TPH2: variants seen among roughly 807,000 people sequenced by gnomAD.
TPH2 encodes tryptophan hydroxylase 2, also known as tryptophan 5-hydroxylase 2.
Under a neutral mutation model 59.1 loss-of-function variants are expected in TPH2, and 27 were observed. The observed-to-expected ratio is 0.46, with a 90% CI of 0.34 to 0.63. The LOEUF is 0.63. Ranked by LOEUF, TPH2 falls within the 30% of genes least tolerant of loss-of-function variation. The pLI, the probability that TPH2 is intolerant of heterozygous loss-of-function variation, is 0.01. For synonymous variants in TPH2, 220 were observed against 210.5 expected, an observed-to-expected ratio of 1.05 and a Z score of -0.39; for missense variants, 523 against 588.3, an observed-to-expected ratio of 0.89 and a Z score of 1.15.
intron 9 of TPH2, among the ~76,000 whole-genome samples, chr12:72,023,715 G>C (rs768577399): frequency 7.3e-5 from 11 of 151,386 alleles, no homozygotes; most frequent in Non-Finnish European, 1.0e-4. Context: ...TGTAATCCCA[G>C]CTACTTGGGA....
At chr12:71,951,307 C>T (rs959034143) in intron 5 of TPH2, among the ~76,000 whole-genome samples, 5 of 152,124 alleles carry the variant, frequency 3.3e-5, no homozygotes, top group African/African-American at 9.7e-5. Flanking sequence ...GCTCCTTCTG[C>T]GGAATCAGGT....
intron 5 of TPH2, among the ~76,000 whole-genome samples, chr12:71,970,212 G>A (rs1015543506): frequency 4.6e-5 from 7 of 152,232 alleles, no homozygotes; most frequent in African/African-American, 7.2e-5. Context: ...TGATATGACC[G>A]GAGGCCGACT....
chr12:71,956,412 T>TTCCCTCTC (rs1871498437), intron 5 of TPH2, among the ~76,000 whole-genome samples: 2 of 140,386 alleles, frequency 1.4e-5, no homozygotes, highest in South Asian at 5.1e-4. Flanking sequence ...CTCCCTCTCC[T>TTCCCTCTC]TCCCTCTCTC....
rs1271603192 is a variant in TPH2, at chr12:71,944,611, T to A, written c.465T>A (p.Pro155=). Residue 155 remains proline, a synonymous_variant, in exon 4 of 11, where the codon CCT becomes CCA. Transcript: ENST00000333850. ...AGCTAGAGGATGTGCCCTGGTTCCC[T>A]CGGAAGATCTCTGAGTTAGACAAAT... ...EEELEDVPWF[P]RKISELDKCS... The A allele has an allele frequency of 6.2e-7, 1 of 1,613,944 alleles. No individual in the cohort carries two copies. The highest frequency in any genetic ancestry group is 8.5e-7 in the Non-Finnish European group (1 of 1,179,854).
chr12:72,000,541 G>A (rs1393672123), intron 8 of TPH2, among the ~76,000 whole-genome samples: 1 of 152,150 alleles, frequency 6.6e-6, no homozygotes, highest in African/African-American at 2.4e-5. Context: ...GCAGGTTCAA[G>A]GACCACATTT....
Position 71,961,494 on chromosome 12 carries a change from G to C in TPH2, c.609-11025G>C, listed in dbSNP as rs188866706. 611 of 1,337,304 alleles carry C rather than the reference G, an allele frequency of 4.6e-4. 2 individuals are homozygous for C. The African/African-American group carries it at 8.5e-3, about 19-fold the overall frequency. 82.8% of individuals were successfully genotyped at this position (1,337,304 alleles called of 1,614,324 possible). On this transcript the variant is annotated intron_variant, in intron 5 of 10. Transcript: ENST00000333850. ...CTGTGTTCTGTCTCTTTCAAACAAG[G>C]TGCAAGATGTATCTGATTAAATCTG... is the stretch of plus-strand genomic sequence containing the variant.
At chr12:72,031,228 G>A (rs759728475) in intron 9 of TPH2, 30 bp from the exon 10 acceptor site, 12 of 1,613,014 alleles carry the variant, frequency 7.4e-6, no homozygotes, top group Non-Finnish European at 1.0e-5. Flanking sequence ...TCATTACAGA[G>A]TTTAACAGGT....
Position 72,023,827 on chromosome 12 carries a change from A to C in TPH2, c.1164+1333A>C, listed in dbSNP as rs549502543. On this transcript the variant is annotated intron_variant, in intron 9 of 10. Coordinates refer to ENST00000333850, the MANE Select transcript of TPH2 (RefSeq NM_173353.4). ...AACAGAGGAGACTCTGACAGAAAAAAAAAAAAAAAGAAAATAATGATAACA... is the reference window on the plus strand; with the variant it reads ...AACAGAGGAGACTCTGACAGAAAAACAAAAAAAAAGAAAATAATGATAACA... 2.8e-4 allele frequency among the ~76,000 whole-genome samples: 42 copies of C among 151,792 alleles called. 2 individuals are homozygous for C. The highest frequency in any genetic ancestry group is 2.1e-3 in the East Asian group (11 of 5,176).
At chr12:72,031,418 A>G (rs1349570519) in intron 10 of TPH2, 27 bp downstream of exon 10, 2 of 1,613,428 alleles carry the variant, frequency 1.2e-6, no homozygotes, top group Non-Finnish European at 1.7e-6. Context: ...TCCTAGCTAG[A>G]GAAAATAACT....
intron 5 of TPH2, among the ~76,000 whole-genome samples, chr12:71,954,811 C>T (rs1391083513): frequency 7.1e-6 from 1 of 141,840 alleles, no homozygotes; most frequent in East Asian, 2.2e-4. Flanking sequence ...GATTATTCCT[C>T]AACAATATGC....
At chr12:72,018,659 T>C (rs1012964476) in intron 8 of TPH2, among the ~76,000 whole-genome samples, 1 of 152,194 alleles carries the variant, frequency 6.6e-6, no homozygotes, top group African/African-American at 2.4e-5. Context: ...CCACGAGCTC[T>C]TCTATATTCA....
intron 8 of TPH2, among the ~76,000 whole-genome samples, chr12:72,003,318 C>T (rs1297887863): frequency 6.6e-6 from 1 of 152,118 alleles, no homozygotes; most frequent in Non-Finnish European, 1.5e-5. Context: ...GGGGGGAATG[C>T]ACTTTTATAC....
intron 3 of TPH2, 53 bp downstream of exon 3, chr12:71,944,530 A>G: frequency 6.2e-7 from 1 of 1,613,746 alleles, no homozygotes; most frequent in Non-Finnish European, 8.5e-7. Context: ...AAATATTGCA[A>G]AGGGGAAAAC....
chr12:71,982,013 G>GTCTTTTTTTTTTTTTTTTTTTT (rs1468983565), intron 7 of TPH2, among the ~76,000 whole-genome samples: 1 of 55,670 alleles, frequency 1.8e-5, no homozygotes, highest in African/African-American at 6.6e-5. Context: ...CATATCATTC[G>GTCTTTTTTTTTTTTTTTTTTTT]TATTTTTTTT....
At chr12:72,013,653 C>G (rs1424052330) in intron 8 of TPH2, among the ~76,000 whole-genome samples, 2 of 152,148 alleles carry the variant, frequency 1.3e-5, no homozygotes, top group Non-Finnish European at 2.9e-5. Flanking sequence ...GGAGTAAAAA[C>G]AGGAGAGATT....
chr12:71,949,451 G>A, intron 4 of TPH2, 137 bp from the exon 5 acceptor site: 1 of 693,956 alleles, frequency 1.4e-6, no homozygotes. Flanking sequence ...GTTTCTGTCT[G>A]TGTCATCAAG....
chr12:71,992,749 A>T (rs1464412238), intron 7 of TPH2, among the ~76,000 whole-genome samples: 1 of 152,222 alleles, frequency 6.6e-6, no homozygotes, highest in Non-Finnish European at 1.5e-5. Flanking sequence ...AAAACACGTA[A>T]GGAAAGATTC....
chr12:71,962,814 G>T (rs1232719737), intron 5 of TPH2: 4 of 325,362 alleles, frequency 1.2e-5, no homozygotes, highest in African/African-American at 9.1e-5. Context: ...CGCCTCCTGG[G>T]TTCAAGCGAT....
chr12:71,967,691 GT>G (rs1345971145), intron 5 of TPH2, among the ~76,000 whole-genome samples: 1 of 152,178 alleles, frequency 6.6e-6, no homozygotes, highest in Non-Finnish European at 1.5e-5. Flanking sequence ...TAATTAGTCT[GT>G]TGAGGAGTAT....
Sources: allele counts gnomAD v4.1 joint callset (sites outside exome capture counted in the v4.1 genomes callset), GRCh38; gene constraint gnomAD v4.1.1; transcripts MANE v1.5; gene names NCBI Gene and HGNC (gene_info 2026-07-23, HGNC 2026-07-21).